Variants in SLC39A11 observed in about 807,000 individuals in gnomAD.
The protein encoded by SLC39A11 is zinc transporter ZIP11.
A neutral mutation model predicts 36.1 loss-of-function variants in SLC39A11; 33 were observed. The ratio of observed to expected loss-of-function variants is 0.91; its 90% CI spans 0.69 to 1.22. The LOEUF (loss-of-function observed/expected upper bound fraction) is 1.22, where lower values mean the gene tolerates loss of function less well. Among genes scored for constraint, SLC39A11 ranks in the 50% most tolerant of loss-of-function variants. The probability of loss-of-function intolerance (pLI) is 0.00; values close to 1 mark genes in which losing one functional copy is unlikely to be tolerated. For missense variants in SLC39A11, 432 were observed against 430.3 expected (o/e 1.00, Z -0.03); for synonymous variants, 166 against 170.3 (o/e 0.97, Z 0.20).
At chr17:72,907,977 A>G (rs1394770319) in intron 5 of SLC39A11, among the ~76,000 whole-genome samples, 4 of 152,186 alleles carry the variant, frequency 2.6e-5, no homozygotes, top group African/African-American at 9.7e-5. Context: ...AGAGGAGAGG[A>G]CAGATACATC....
chr17:72,714,632 G>C (rs571931324), intron 7 of SLC39A11, among the ~76,000 whole-genome samples: 50 of 152,310 alleles, frequency 3.3e-4, no homozygotes, highest in Admixed American at 1.0e-3. Context: ...CCCATTTACA[G>C]ATGAGGAACC....
rs2082279756 is a variant in SLC39A11, at chr17:72,900,140, AAAAGAAAGAAAGAAAAGAAAGAAAG to A, written c.430+47587_430+47611del. On this transcript the variant is annotated intron_variant, in intron 5 of 9. Coordinates refer to ENST00000255559, the MANE Select transcript of SLC39A11 (RefSeq NM_139177.4). ...AAGAAAGAAAAGAAAGAAAGAAAGA[AAAAGAAAGAAAGAAAAGAAAGAAAG>A]AAAGAAAGAAAGAAAGAAAGAAAGA... 2.3e-4 allele frequency among the ~76,000 whole-genome samples: 10 copies of A among 43,862 alleles called. 3 individuals carry two copies. The highest frequency in any genetic ancestry group is 5.5e-4 in the African/African-American group (4 of 7,302). 28.8% of individuals were successfully genotyped at this position (43,862 alleles called of 152,430 possible).
chr17:73,060,231 GAAAGAAA>G (rs1271190424), intron 3 of SLC39A11, among the ~76,000 whole-genome samples: 4 of 88,148 alleles, frequency 4.5e-5, no homozygotes, highest in Non-Finnish European at 9.8e-5. Flanking sequence ...AAAAAAAAAA[GAAAGAAA>G]AAAGAAAAAA....
chr17:72,849,724 G>A lies in SLC39A11; in HGVS notation c.511C>T (p.Pro171Ser). The A allele has an allele frequency of 6.2e-7, 1 of 1,611,570 alleles. No homozygotes were observed. ...GGCTGTGCCAGATTCCCTCGAGAAG[G>A]CACAGGGACAGCAGGACCCTCTGGA... is the stretch of plus-strand genomic sequence containing the variant. ...GLPEGPAVPV[P>S]SRGNLAQPGG... The change falls in exon 6 of 10, where the codon CCT (proline) becomes TCT (serine). Residue 171 changes from proline (P) to serine (S), a missense_variant. Coordinates refer to ENST00000255559, the MANE Select transcript of SLC39A11 (RefSeq NM_139177.4).
At chr17:73,055,871 C>G (rs758907883) in intron 3 of SLC39A11, among the ~76,000 whole-genome samples, 2 of 152,214 alleles carry the variant, frequency 1.3e-5, no homozygotes, top group African/African-American at 2.4e-5. Context: ...GCAGCCCTTC[C>G]ATCTTCTGTC....
chr17:72,973,140 A>G (rs2087580465), intron 4 of SLC39A11, among the ~76,000 whole-genome samples: 1 of 151,678 alleles, frequency 6.6e-6, no homozygotes, highest in African/African-American at 2.4e-5. Flanking sequence ...TAGAAAAATT[A>G]TGGAAACCAT....
intron 6 of SLC39A11, among the ~76,000 whole-genome samples, chr17:72,740,085 T>C (rs1390267232): frequency 8.1e-6 from 1 of 123,350 alleles, no homozygotes; most frequent in Non-Finnish European, 1.7e-5. Context: ...TTTTTTGAGA[T>C]GGAGTCTCTC....
chr17:72,837,715 GA>G (rs1254625203), intron 6 of SLC39A11: 1 of 231,456 alleles, frequency 4.3e-6, no homozygotes, highest in Non-Finnish European at 8.3e-6. Flanking sequence ...GCCAGAAAAA[GA>G]AAGACTTACT....
chr17:72,866,781 A>C (rs989241552), intron 5 of SLC39A11, among the ~76,000 whole-genome samples: 2 of 152,244 alleles, frequency 1.3e-5, no homozygotes, highest in African/African-American at 2.4e-5. Flanking sequence ...AAGGAAATGG[A>C]CATTTCTATT....
rs188000386 is a variant in SLC39A11 at position 72,806,646 on chromosome 17, G to A, written c.601+42988C>T. ...CGCCCAGACTGGAGTAGAGTGGTGC[G>A]ATCTTGGCTCACTGCAACCTCCGCC... On this transcript the variant is annotated intron_variant, in intron 6 of 9. Coordinates refer to ENST00000255559, the MANE Select transcript of SLC39A11 (RefSeq NM_139177.4). Among the ~76,000 whole-genome samples the A allele has an allele frequency of 2.0e-3, 302 of 152,134 alleles. 3 individuals carry two copies. Among genetic ancestry groups the A allele is most frequent in the Middle Eastern group, 0.017 (5 of 294 alleles).
chr17:72,790,537 C>CTT (rs1555673415), intron 6 of SLC39A11, among the ~76,000 whole-genome samples: 1 of 145,430 alleles, frequency 6.9e-6, no homozygotes, highest in Non-Finnish European at 1.5e-5. Flanking sequence ...CTCTCTCTCT[C>CTT]TTTTTTTTTT....
intron 5 of SLC39A11, among the ~76,000 whole-genome samples, chr17:72,945,941 G>A (rs2085405479): frequency 6.6e-6 from 1 of 152,148 alleles, no homozygotes; most frequent in Non-Finnish European, 1.5e-5. Context: ...CCATGGCCCT[G>A]AAGATAGAAA....
At chr17:72,762,013 G>A (rs1232332307) in intron 6 of SLC39A11, among the ~76,000 whole-genome samples, 5 of 152,208 alleles carry the variant, frequency 3.3e-5, no homozygotes, top group Non-Finnish European at 5.9e-5. Flanking sequence ...TAGAGTACAC[G>A]AGAGATAATG....
chr17:72,886,829 G>A (rs1042448369), intron 5 of SLC39A11, among the ~76,000 whole-genome samples: 1 of 152,176 alleles, frequency 6.6e-6, no homozygotes, highest in Non-Finnish European at 1.5e-5. Flanking sequence ...TGCTCCCTGT[G>A]ACCCGGATGC....
chr17:72,968,811 A>G (rs1429790981), intron 4 of SLC39A11, among the ~76,000 whole-genome samples: 1 of 152,200 alleles, frequency 6.6e-6, no homozygotes, highest in Admixed American at 6.5e-5. Flanking sequence ...GGACGACACA[A>G]TCCCTGGGCC....
At chr17:72,791,223 G>A (rs546073144) in intron 6 of SLC39A11, among the ~76,000 whole-genome samples, 9 of 152,338 alleles carry the variant, frequency 5.9e-5, no homozygotes, top group South Asian at 2.1e-4. Context: ...GGGAGGCCGA[G>A]GTGGGCAGAT....
intron 3 of SLC39A11, among the ~76,000 whole-genome samples, chr17:73,056,550 G>A (rs1599062710): frequency 6.6e-6 from 1 of 152,172 alleles, no homozygotes; most frequent in African/African-American, 2.4e-5. Context: ...ATGAGAGCAC[G>A]TGAGCTTCTG....
intron 4 of SLC39A11, among the ~76,000 whole-genome samples, chr17:72,973,813 G>A (rs937602372): frequency 3.9e-5 from 6 of 152,076 alleles, no homozygotes; most frequent in African/African-American, 1.4e-4. Flanking sequence ...CACGTACCTC[G>A]GACTCCCAAA....
At chr17:72,951,814 G>C (rs547880954) in intron 4 of SLC39A11, among the ~76,000 whole-genome samples, 1 of 152,120 alleles carries the variant, frequency 6.6e-6, no homozygotes. Flanking sequence ...TGCCAAGAGA[G>C]GTCTTTGTGG....
Sources: gnomAD v4.1 joint callset for allele counts (sites outside exome capture counted in the v4.1 genomes callset) on GRCh38, gnomAD v4.1.1 for gene constraint, MANE v1.5 for transcripts, NCBI Gene and HGNC (gene_info 2026-07-23, HGNC 2026-07-21) for gene names.